Variants in PLEKHA1 observed in about 807,000 individuals in gnomAD.
The protein encoded by PLEKHA1 is pleckstrin homology domain containing A1, also known as pleckstrin homology domain-containing family A member 1.
Under a neutral mutation model 52.0 loss-of-function variants are expected in PLEKHA1, and 34 were observed. The observed-to-expected ratio is 0.65, with a 90% CI of 0.50 to 0.87. The LOEUF is 0.87. PLEKHA1 is among the 40% of genes least tolerant of loss of function. The probability of loss-of-function intolerance (pLI) is 0.00; values close to 1 mark genes in which losing one functional copy is unlikely to be tolerated. For missense variants in PLEKHA1, 497 were observed against 504.2 expected, an observed-to-expected ratio of 0.99 and a Z score of 0.14; for synonymous variants, 163 against 170.7, an observed-to-expected ratio of 0.95 and a Z score of 0.35.
At chr10:122,420,210 A>G (rs1197044917) in intron 8 of PLEKHA1, 1 of 152,262 alleles carries the variant, frequency 6.6e-6, no homozygotes. Flanking sequence ...GTGATTCAGA[A>G]GATCTGGAAT....
At chr10:122,403,768 T>G (rs1478324901) in intron 4 of PLEKHA1, among the ~76,000 whole-genome samples, 4 of 152,130 alleles carry the variant, frequency 2.6e-5, no homozygotes, top group Admixed American at 2.6e-4. Context: ...CTTGGCTCAC[T>G]GCAACCTCCA....
chr10:122,408,821 A>G (rs1474992531), intron 5 of PLEKHA1, among the ~76,000 whole-genome samples: 1 of 152,178 alleles, frequency 6.6e-6, no homozygotes, highest in Non-Finnish European at 1.5e-5. Context: ...GATGATTTAC[A>G]TGTAGATTAT....
chr10:122,386,998 T>A (rs931315279), intron 1 of PLEKHA1: 1 of 152,218 alleles, frequency 6.6e-6, no homozygotes, highest in Non-Finnish European at 1.5e-5. Context: ...GCATGAATTC[T>A]TATTACCCAC....
chr10:122,375,515 C>T (rs1367073106), intron 1 of PLEKHA1, among the ~76,000 whole-genome samples: 1 of 152,220 alleles, frequency 6.6e-6, no homozygotes, highest in Admixed American at 6.5e-5. Flanking sequence ...ACGCCGAGGC[C>T]AGCTGCCAAC....
chr10:122,424,791 T>G, intron 9 of PLEKHA1, 105 bp from the exon 10 acceptor site: 1 of 768,524 alleles, frequency 1.3e-6, no homozygotes, highest in Non-Finnish European at 2.0e-6. Context: ...AAATCAGTGC[T>G]TTACCTCATT....
At chr10:122,429,229 TGAC>T (rs2097386601) in intron 11 of PLEKHA1, among the ~76,000 whole-genome samples, 1 of 152,212 alleles carries the variant, frequency 6.6e-6, no homozygotes, top group South Asian at 2.1e-4. Flanking sequence ...TTCCTAGTGT[TGAC>T]TGAGAATATA....
chr10:122,398,123 G>T, intron 3 of PLEKHA1, 149 bp downstream of exon 3: 1 of 591,442 alleles, frequency 1.7e-6, no homozygotes, highest in South Asian at 3.4e-5. Flanking sequence ...ACTACGTTTA[G>T]GAAATTCTTT....
chr10:122,385,177 C>T (rs1232556915), intron 1 of PLEKHA1, among the ~76,000 whole-genome samples: 8 of 151,930 alleles, frequency 5.3e-5, no homozygotes, highest in Non-Finnish European at 1.2e-4. Flanking sequence ...TGCATTCCAT[C>T]CCTATAGATT....
At chr10:122,428,764 C>G (rs1176187457) in intron 11 of PLEKHA1, among the ~76,000 whole-genome samples, 1 of 152,074 alleles carries the variant, frequency 6.6e-6, no homozygotes, top group Non-Finnish European at 1.5e-5. Context: ...GAAATTTAGC[C>G]ATCTAATAGG....
the PLEKHA1 span, chr10:122,441,043 A>G: frequency 5.3e-5 from 8 of 152,280 alleles, no homozygotes; most frequent in Admixed American, 3.9e-4. Context: ...GAGACCAACA[A>G]TGTCAACATT....
In PLEKHA1 at chr10:122,395,187, C is replaced by T. The variant is rs1158899661; in HGVS notation, c.141+1846C>T. Among the ~76,000 whole-genome samples, 3 of 151,260 alleles carry T rather than the reference C, an allele frequency of 2.0e-5. No homozygotes were observed. In the East Asian group the frequency reaches 5.8e-4, roughly 29 times the overall value. ...AGACTAGATCACTTTGGCTATAGCA[C>T]TCAGCTAGGTCTTGTCCACATAAAC... On this transcript the variant is annotated intron_variant, in intron 2 of 11. Transcript: ENST00000368990.
At chr10:122,377,694 T>C (rs983633967) in intron 1 of PLEKHA1, among the ~76,000 whole-genome samples, 1 of 152,232 alleles carries the variant, frequency 6.6e-6, no homozygotes, top group Admixed American at 6.5e-5. Flanking sequence ...TTACACTTAC[T>C]GAGCAATATT....
intron 1 of PLEKHA1, among the ~76,000 whole-genome samples, chr10:122,391,578 A>T (rs887446738): frequency 3.3e-5 from 5 of 152,108 alleles, no homozygotes; most frequent in African/African-American, 1.2e-4. Context: ...CTATAGATGT[A>T]TAGGTTGAAA....
chr10:122,391,765 T>C (rs772548805), intron 1 of PLEKHA1, among the ~76,000 whole-genome samples: 4 of 152,094 alleles, frequency 2.6e-5, no homozygotes, highest in Non-Finnish European at 4.4e-5. Flanking sequence ...ACATGGTAAA[T>C]TTATTAAAGA....
chr10:122,418,876 C>G (rs962574284), intron 8 of PLEKHA1: 1 of 152,180 alleles, frequency 6.6e-6, no homozygotes, highest in Non-Finnish European at 1.5e-5. Context: ...ACCAGAACAG[C>G]ATTGTCCATT....
Position 122,406,667 on chromosome 10 carries a change from A to G in PLEKHA1, c.336A>G (p.Lys112=). 1 of 1,600,130 alleles carries G rather than the reference A, an allele frequency of 6.2e-7. No individual in the cohort carries two copies. The highest frequency in any genetic ancestry group is 8.6e-7 in the Non-Finnish European group (1 of 1,167,884). ...EWVNVLNKAI[K]ITVPKQSDSQ... is the part of the protein sequence containing the mutation. ...TAAATGTGTTAAACAAAGCTATAAA[A>G]ATTACAGTAAGTATATGTATTTTTT... The change falls in exon 5 of 12, where the codon AAA becomes AAG. Residue 112 remains lysine (K), a synonymous_variant. Coordinates refer to ENST00000368990, the MANE Select transcript of PLEKHA1 (RefSeq NM_001001974.4).
the PLEKHA1 span, chr10:122,440,342 CCTT>C: frequency 1.3e-5 from 2 of 152,242 alleles, no homozygotes; most frequent in Admixed American, 1.3e-4. Flanking sequence ...TCCATGTCCA[CCTT>C]CTCACACAGT....
chr10:122,388,123 G>A (rs11200604), intron 1 of PLEKHA1: 72,616 of 152,002 alleles, frequency 0.48, 17,971 homozygotes, highest in East Asian at 0.62. Context: ...TATATCTACT[G>A]TCAAAACATT....
intron 6 of PLEKHA1, among the ~76,000 whole-genome samples, chr10:122,415,203 CAA>C (rs1363531822): frequency 1.3e-5 from 2 of 152,162 alleles, no homozygotes; most frequent in East Asian, 3.8e-4. Context: ...AAGATAATCT[CAA>C]AAGATAACCT....
Sources: allele counts gnomAD v4.1 joint callset (sites outside exome capture counted in the v4.1 genomes callset), GRCh38; gene constraint gnomAD v4.1.1; transcripts MANE v1.5; gene names NCBI Gene and HGNC (gene_info 2026-07-23, HGNC 2026-07-21).